The following SLC35B3 variants were observed in gnomAD, a reference collection of about 807,000 sequenced individuals.
The protein encoded by SLC35B3 is adenosine 3'-phospho 5'-phosphosulfate transporter 2.
A neutral mutation model predicts 44.1 loss-of-function variants in SLC35B3; 35 were observed. The ratio of observed to expected loss-of-function variants is 0.79; its 90% confidence interval spans 0.61 to 1.05. The LOEUF is 1.05. Among genes scored for constraint, SLC35B3 ranks in the 50% least tolerant of loss-of-function variants. SLC35B3 has a pLI of 0.00. For synonymous variants in SLC35B3, 146 were observed against 167.3 expected (o/e 0.87, Z 0.98); for missense variants, 414 against 476.4 (o/e 0.87, Z 1.22).
rs1431315968 is a variant in SLC35B3, at chr6:8,419,578, A to G, written c.780+2T>C. 1 of 1,474,904 alleles carries G rather than the reference A, an allele frequency of 6.8e-7. No homozygotes were observed. Among genetic ancestry groups the G allele is most frequent in the Non-Finnish European group, 9.3e-7 (1 of 1,079,700 alleles). 91.4% of individuals were successfully genotyped at this position (1,474,904 alleles called of 1,614,324 possible). The stretch of plus-strand genomic sequence containing the variant: ...TTGAAGAAAAAACACTAGAGTATTT[A>G]CCATTTCAGAATTAGAAGCATTATG... On this transcript the variant is annotated splice_donor_variant, in intron 7 of 10. Coordinates refer to ENST00000644923, the MANE Select transcript of SLC35B3 (RefSeq NM_001370476.2). LOFTEE classifies it high-confidence loss of function. This position sits in a 1 kb window ranked among gnomAD's most constrained non-coding sequence, Gnocchi z 4.3.
chr6:8,430,193 GAT>G (rs770661711), intron 2 of SLC35B3, 36 bp from the exon 2 acceptor site: 93 of 1,486,622 alleles, frequency 6.3e-5, no homozygotes, highest in Non-Finnish European at 7.8e-5. Flanking sequence ...ACATTTACAT[GAT>G]AAAGTTTAAT....
rs776690796 is a variant in SLC35B3, at chr6:8,421,117, C to T, written c.575-289G>A. ...AGCAAGAATAATGCACATCCACAAA[C>T]ATTTAAAAAATTTCCTGGAAATTTA... On this transcript the variant is annotated intron_variant, in intron 5 of 10. Transcript: ENST00000644923. 7.2e-4 allele frequency among the ~76,000 whole-genome samples: 110 copies of T among 152,134 alleles called. 3 individuals are homozygous for T. Among genetic ancestry groups the T allele is most frequent in the Non-Finnish European group, 1.6e-4 (11 of 68,020 alleles).
Position 8,419,699 on chromosome 6 carries a change from AC to A in SLC35B3, c.683-23del, listed in dbSNP as rs777848986. ...ACACCTTCAAGAAGGTATTAAAAAAACAAACAAAAAAACCCTCCTTATTTAA... is the reference window on the plus strand; with the variant it reads ...ACACCTTCAAGAAGGTATTAAAAAAAAAACAAAAAAACCCTCCTTATTTAA... On this transcript the variant is annotated intron_variant, in intron 6 of 10. Transcript: ENST00000644923. The surrounding 1 kb of genome is among the most constrained non-coding windows in gnomAD (Gnocchi z 4.3). 16 of 1,360,470 alleles carry A rather than the reference AC, an allele frequency of 1.2e-5. No homozygotes were observed. In the African/African-American group the frequency reaches 1.8e-4, roughly 15 times the overall value. 84.3% of individuals were successfully genotyped at this position (1,360,470 alleles called of 1,614,324 possible).
chr6:8,415,477 T>C (rs1762335404), intron 9 of SLC35B3, among the ~76,000 whole-genome samples: 1 of 152,182 alleles, frequency 6.6e-6, no homozygotes, highest in Non-Finnish European at 1.5e-5. Context: ...AAGTCTGCTG[T>C]AACGCTGGAA....
intron 4 of SLC35B3, among the ~76,000 whole-genome samples, chr6:8,422,972 A>T (rs1763047391): frequency 6.6e-6 from 1 of 151,822 alleles, no homozygotes; most frequent in Admixed American, 6.6e-5. Flanking sequence ...ATCTTAAGTT[A>T]GAGAAAAAGA....
chr6:8,422,147 T>C (rs1762951236), intron 5 of SLC35B3, among the ~76,000 whole-genome samples: 1 of 152,024 alleles, frequency 6.6e-6, no homozygotes, highest in South Asian at 2.1e-4. Flanking sequence ...TGAGACTACA[T>C]GGATACACCA....
chr6:8,424,824 T>C (rs925248947), intron 4 of SLC35B3, among the ~76,000 whole-genome samples: 49 of 152,270 alleles, frequency 3.2e-4, no homozygotes, highest in African/African-American at 1.2e-3. Context: ...CCCAAACCCA[T>C]GTTTCTAACT....
At position 8,420,905 on chromosome 6, in the gene SLC35B3, G is replaced by T; in HGVS notation, c.575-77C>A. On this transcript the variant is annotated intron_variant, in intron 5 of 10. Transcript: ENST00000644923. The surrounding 1 kb of genome is among the most constrained non-coding windows in gnomAD (Gnocchi z 4.4). ...TTATATTTGCTCTATGTGTTAAGTAGAACATGGATTTGTTTTTTTATATCC... is the reference window on the plus strand; with the variant it reads ...TTATATTTGCTCTATGTGTTAAGTATAACATGGATTTGTTTTTTTATATCC... The T allele has an allele frequency of 8.8e-7, 1 of 1,130,808 alleles. No homozygotes were observed. Among genetic ancestry groups the T allele is most frequent in the Non-Finnish European group, 1.3e-6 (1 of 790,230 alleles). 70.0% of individuals were successfully genotyped at this position (1,130,808 alleles called of 1,614,324 possible).
At chr6:8,423,162 C>A (rs191118437) in intron 4 of SLC35B3, among the ~76,000 whole-genome samples, 108 of 152,170 alleles carry the variant, frequency 7.1e-4, no homozygotes, top group Non-Finnish European at 5.6e-4. Flanking sequence ...TAATGTTGGC[C>A]TCCATAATGG....
intron 9 of SLC35B3, among the ~76,000 whole-genome samples, chr6:8,416,433 T>C (rs191929736): frequency 1.3e-5 from 2 of 152,256 alleles, no homozygotes; most frequent in East Asian, 3.9e-4. Context: ...ATAGTGCTTA[T>C]TGGTGAAAAG....
At chr6:8,426,872 C>G (rs1763464283) in intron 4 of SLC35B3, among the ~76,000 whole-genome samples, 1 of 152,098 alleles carries the variant, frequency 6.6e-6, no homozygotes, top group Admixed American at 6.5e-5. Flanking sequence ...GGCAAAAAAG[C>G]TGATAGTGAT....
chr6:8,428,773 T>C (rs908343373), intron 3 of SLC35B3, among the ~76,000 whole-genome samples: 11 of 152,182 alleles, frequency 7.2e-5, no homozygotes, highest in African/African-American at 2.4e-4. Context: ...AAAATGTTTC[T>C]AAAATGTTTC....
rs2152341 is a variant in SLC35B3, at chr6:8,433,189, G to T, written c.3+1196C>A. ...AGCCATTTTCTCTTGCCTAGATTACGAGACTGTTTATAATCAATTCTTCCC... is the reference window on the plus strand; with the variant it reads ...AGCCATTTTCTCTTGCCTAGATTACTAGACTGTTTATAATCAATTCTTCCC... On this transcript the variant is annotated intron_variant, in intron 2 of 10. Coordinates refer to ENST00000644923, the MANE Select transcript of SLC35B3 (RefSeq NM_001370476.2). The surrounding 1 kb of genome is among the most constrained non-coding windows in gnomAD (Gnocchi z 4.1). 0.5 allele frequency among the ~76,000 whole-genome samples: 75,847 copies of T among 151,916 alleles called. 19,865 individuals are homozygous for T. The highest frequency in any genetic ancestry group is 0.67 in the African/African-American group (27,967 of 41,436).
chr6:8,425,255 A>G (rs1763308594), intron 4 of SLC35B3, among the ~76,000 whole-genome samples: 1 of 152,194 alleles, frequency 6.6e-6, no homozygotes, highest in Non-Finnish European at 1.5e-5. Context: ...CTACAAAGAT[A>G]GTATTAGTGT....
intron 4 of SLC35B3, among the ~76,000 whole-genome samples, chr6:8,427,234 A>T (rs1763505406): frequency 6.6e-6 from 1 of 152,222 alleles, no homozygotes; most frequent in Non-Finnish European, 1.5e-5. Flanking sequence ...CAAGGATCTG[A>T]ATGTTAATCC....
intron 9 of SLC35B3, among the ~76,000 whole-genome samples, chr6:8,415,552 C>T (rs1174411627): frequency 6.6e-6 from 1 of 152,170 alleles, no homozygotes; most frequent in African/African-American, 2.4e-5. Context: ...ACAGTACTTT[C>T]CTCCTCACTG....
Position 8,417,402 on chromosome 6 carries a change from C to T in SLC35B3, c.873G>A (p.Lys291=). 3.8e-6 allele frequency: 6 copies of T among 1,571,570 alleles called. No homozygotes were observed. The highest frequency in any genetic ancestry group is 4.3e-6 in the Non-Finnish European group (5 of 1,155,454). ...TTTTTTAAATGTGATTAGTGTTTAC[C>T]TTTGCACAAAATGTTACTGCAGGGC... Residue 291 remains lysine (K), a splice_region_variant and synonymous_variant, in exon 8 of 11, where the codon AAG becomes AAA. Coordinates refer to ENST00000644923, the MANE Select transcript of SLC35B3 (RefSeq NM_001370476.2).
intron 4 of SLC35B3, among the ~76,000 whole-genome samples, chr6:8,423,779 C>G (rs1763157537): frequency 6.6e-6 from 1 of 151,982 alleles, no homozygotes; most frequent in African/African-American, 2.4e-5. Flanking sequence ...GGGTTTTTTT[C>G]TACTTAACTA....
At position 8,432,320 on chromosome 6, in the gene SLC35B3, T is replaced by C. The variant is rs965050182; in HGVS notation, c.3+2065A>G. 1.3e-5 allele frequency among the ~76,000 whole-genome samples: 2 copies of C among 151,794 alleles called. No individual in the cohort carries two copies. Among genetic ancestry groups the C allele is most frequent in the Non-Finnish European group, 2.9e-5 (2 of 68,006 alleles). On this transcript the variant is annotated intron_variant, in intron 2 of 10. Transcript: ENST00000644923. This position sits in a 1 kb window ranked among gnomAD's most constrained non-coding sequence, Gnocchi z 4.8. ...AAAATTTACAAATAATGCTTACATA[T>C]TTACACATACATACAGAATAAATAA...
Sources: allele counts gnomAD v4.1 joint callset (sites outside exome capture counted in the v4.1 genomes callset), GRCh38; gene constraint gnomAD v4.1.1; non-coding constraint Gnocchi (gnomAD v3.1); transcripts MANE v1.5; gene names NCBI Gene and HGNC (gene_info 2026-07-23, HGNC 2026-07-21).